DIP2C: variants seen among roughly 807,000 people sequenced by gnomAD.
DIP2C encodes the protein disco-interacting protein 2 homolog C.
In DIP2C, 33 loss-of-function variants were observed where a neutral mutation model predicts 192.4. The observed-to-expected ratio is 0.17, with a 90% CI of 0.13 to 0.23. DIP2C has a LOEUF of 0.23. DIP2C is among the 10% of genes least tolerant of loss of function. DIP2C has a pLI of 1.00. For missense variants in DIP2C, 1,537 were observed against 2,110.1 expected (o/e 0.73, Z 5.32); for synonymous variants, 979 against 864.1 (o/e 1.13, Z -2.33).
chr10:425,970 C>A (rs1966572905), intron 4 of DIP2C, among the ~76,000 whole-genome samples: 1 of 152,122 alleles, frequency 6.6e-6, no homozygotes, highest in Admixed American at 6.5e-5. Flanking sequence ...AAAGATGTCC[C>A]CTCTTGCCAC....
At chr10:382,982 C>T (rs1962515472) in intron 16 of DIP2C, among the ~76,000 whole-genome samples, 1 of 152,162 alleles carries the variant, frequency 6.6e-6, no homozygotes, top group Non-Finnish European at 1.5e-5. Flanking sequence ...TTTATGACAC[C>T]TTTTCTGACA....
At chr10:304,741 CTT>C (rs905972589) in intron 32 of DIP2C, among the ~76,000 whole-genome samples, 11 of 93,516 alleles carry the variant, frequency 1.2e-4, no homozygotes, top group African/African-American at 1.9e-4. Flanking sequence ...ATGTAACATA[CTT>C]ACACACACAT....
chr10:414,894 A>G (rs865881532), intron 7 of DIP2C, among the ~76,000 whole-genome samples: 799 of 72,446 alleles, frequency 0.011, 21 homozygotes, highest in African/African-American at 0.036. Context: ...GTGTGTGTAT[A>G]TATATATATA....
At chr10:334,095 A>G (rs546727422) in intron 29 of DIP2C, among the ~76,000 whole-genome samples, 1 of 152,238 alleles carries the variant, frequency 6.6e-6, no homozygotes, top group East Asian at 1.9e-4. Context: ...ACTTGAGGTA[A>G]GGAGTTCAAG....
chr10:326,065 C>CA (rs1260885419), intron 31 of DIP2C, among the ~76,000 whole-genome samples: 2 of 152,016 alleles, frequency 1.3e-5, no homozygotes, highest in African/African-American at 4.8e-5. Context: ...CCTGTAGTCC[C>CA]AGCCACGTGG....
At chr10:312,736 AAAGT>A (rs1426494183) in intron 31 of DIP2C, among the ~76,000 whole-genome samples, 4 of 152,218 alleles carry the variant, frequency 2.6e-5, no homozygotes, top group Admixed American at 2.0e-4. Flanking sequence ...ATGAATAAAT[AAAGT>A]AACTCGCCAA....
At chr10:359,980 TAAG>T (rs1223394272) in intron 22 of DIP2C, among the ~76,000 whole-genome samples, 1 of 152,200 alleles carries the variant, frequency 6.6e-6, no homozygotes, top group African/African-American at 2.4e-5. Context: ...ACGGCTCTTC[TAAG>T]AAGTCAACTT....
intron 1 of DIP2C, among the ~76,000 whole-genome samples, chr10:648,896 G>T (rs1855675522): frequency 6.7e-6 from 1 of 149,658 alleles, no homozygotes; most frequent in South Asian, 2.2e-4. Flanking sequence ...GGAGAGAACA[G>T]AGGGAAACTG....
At chr10:348,330 G>A (rs750176873) in intron 26 of DIP2C, among the ~76,000 whole-genome samples, 5 of 152,218 alleles carry the variant, frequency 3.3e-5, no homozygotes, top group Admixed American at 6.5e-5. Context: ...TCCCGTGGTC[G>A]GTCTGCTCAG....
chr10:377,278 G>A (rs569574631), intron 17 of DIP2C, among the ~76,000 whole-genome samples: 2 of 152,156 alleles, frequency 1.3e-5, no homozygotes, highest in Admixed American at 6.5e-5. Context: ...TTCCAGGGGA[G>A]GTTATGGGCT....
intron 1 of DIP2C, chr10:663,372 G>A (rs1448693945): frequency 6.4e-6 from 1 of 155,242 alleles, no homozygotes; most frequent in East Asian, 1.9e-4. Flanking sequence ...GGAGAGAACA[G>A]ACGGACATGG....
At chr10:321,334 G>A (rs1956999737) in intron 31 of DIP2C, among the ~76,000 whole-genome samples, 1 of 152,214 alleles carries the variant, frequency 6.6e-6, no homozygotes, top group African/African-American at 2.4e-5. Context: ...GTGCAGCTCA[G>A]CCTTCCCCGA....
rs182796228 is a variant in DIP2C, at chr10:417,010, G to A, written c.740-1122C>T. ...ATTTTTTAATAGGTAGTCTCAAAAT[G>A]CTCTATAGCACTTTAAGAATTGAGA... On this transcript the variant is annotated intron_variant, in intron 6 of 36. Transcript: ENST00000280886. 2.1e-3 allele frequency among the ~76,000 whole-genome samples: 313 copies of A among 152,272 alleles called. 1 individual carries two copies. Among genetic ancestry groups the A allele is most frequent in the Middle Eastern group, 0.014 (4 of 294 alleles).
intron 10 of DIP2C, among the ~76,000 whole-genome samples, chr10:392,400 T>TC (rs1279164204): frequency 6.6e-6 from 1 of 152,140 alleles, no homozygotes; most frequent in East Asian, 1.9e-4. Flanking sequence ...CCTGGTAGTG[T>TC]CCGCCCGTGA....
chr10:537,082 C>T (rs1439609403), intron 1 of DIP2C, among the ~76,000 whole-genome samples: 1 of 152,204 alleles, frequency 6.6e-6, no homozygotes, highest in Non-Finnish European at 1.5e-5. Context: ...GGGACTCACC[C>T]AGGTCCCAGG....
intron 1 of DIP2C, among the ~76,000 whole-genome samples, chr10:487,597 TGAGACAGTCTCTC>T (rs1844120436): frequency 1.1e-5 from 1 of 90,466 alleles, no homozygotes; most frequent in African/African-American, 3.3e-5. Flanking sequence ...TTTTTTTTTT[TGAGACAGTCTCTC>T]TCTGTCGCCC....
chr10:468,699 G>C (rs1373308849), intron 3 of DIP2C, among the ~76,000 whole-genome samples: 1 of 152,132 alleles, frequency 6.6e-6, no homozygotes, highest in Non-Finnish European at 1.5e-5. Flanking sequence ...GGCAGAGTTT[G>C]TGGCGTGACC....
rs1958685607 is a variant in DIP2C at position 349,460 on chromosome 10, G to A, written c.2986-6C>T. 6.3e-7 allele frequency: 1 copy of A among 1,598,442 alleles called. No homozygotes were observed. The highest frequency in any genetic ancestry group is 8.5e-7 in the Non-Finnish European group (1 of 1,171,982). On this transcript the variant is annotated splice_polypyrimidine_tract_variant and splice_region_variant and intron_variant, in intron 24 of 36. Transcript: ENST00000280886. ...AGCGAGTTCGCTATCGCACCCTGCG[G>A]GCCGATCACAGGGACAAGCACATAA...
At chr10:475,588 G>A (rs931568051) in intron 2 of DIP2C, among the ~76,000 whole-genome samples, 4 of 152,074 alleles carry the variant, frequency 2.6e-5, no homozygotes, top group Non-Finnish European at 5.9e-5. Context: ...AGCTACTTTT[G>A]CATACCATCC....
Sources: gnomAD v4.1 joint callset for allele counts (sites outside exome capture counted in the v4.1 genomes callset) on GRCh38, gnomAD v4.1.1 for gene constraint, MANE v1.5 for transcripts, NCBI Gene and HGNC (gene_info 2026-07-23, HGNC 2026-07-21) for gene names.